Variants in ZNF385D observed in about 807,000 individuals in gnomAD.
ZNF385D encodes the protein zinc finger protein 385D.
A neutral mutation model predicts 35.8 loss-of-function variants in ZNF385D; 15 were observed. The ratio of observed to expected loss-of-function variants is 0.42; its 90% confidence interval spans 0.28 to 0.64. The LOEUF is 0.64. Ranked by LOEUF, ZNF385D falls within the 30% of genes least tolerant of loss-of-function variation. The pLI is 0.23. For synonymous variants in ZNF385D, 212 were observed against 186.8 expected (o/e 1.13, Z -1.10); for missense variants, 474 against 494.6 (o/e 0.96, Z 0.39).
intron 2 of ZNF385D, among the ~76,000 whole-genome samples, chr3:22,196,574 T>A (rs1390327728): frequency 1.3e-5 from 2 of 152,088 alleles, no homozygotes; most frequent in Middle Eastern, 3.4e-3. Context: ...ATTATTTTAT[T>A]TCTTATCCCA....
rs76932511 is a variant in ZNF385D, at chr3:22,187,591, A to G, written c.107-18556T>C. Among the ~76,000 whole-genome samples the G allele has an allele frequency of 9.9e-4, 150 of 152,278 alleles. 1 individual carries two copies. The East Asian group carries it at 0.027, about 28-fold the overall frequency. On this transcript the variant is annotated intron_variant, in intron 2 of 5. Coordinates refer to the ZNF385D transcript ENST00000494108. ...GAATGAAGTTAGTGAAGAAACCAGA[A>G]GGGAACAAAGTTCTCATGAGGAATA...
At chr3:22,275,548 T>A (rs935612536) in intron 2 of ZNF385D, among the ~76,000 whole-genome samples, 1 of 152,160 alleles carries the variant, frequency 6.6e-6, no homozygotes, top group Non-Finnish European at 1.5e-5. Context: ...CCTGGAGTCA[T>A]AGACTTTGCT....
intron 3 of ZNF385D, among the ~76,000 whole-genome samples, chr3:21,960,085 A>G (rs2125316127): frequency 6.6e-6 from 1 of 152,056 alleles, no homozygotes; most frequent in African/African-American, 2.4e-5. Context: ...ACAGCCAAGA[A>G]TACAATCAAA....
intron 1 of ZNF385D, among the ~76,000 whole-genome samples, chr3:21,693,754 A>T (rs924972031): frequency 6.6e-6 from 1 of 152,204 alleles, no homozygotes; most frequent in Non-Finnish European, 1.5e-5. Flanking sequence ...ATCAAAAGCC[A>T]ATAAATGTTT....
intron 2 of ZNF385D, among the ~76,000 whole-genome samples, chr3:21,659,552 G>A (rs536362053): frequency 2.0e-5 from 3 of 152,062 alleles, no homozygotes; most frequent in African/African-American, 7.2e-5. Flanking sequence ...AGGAAGGCTC[G>A]TAGCATTTCT....
At chr3:22,301,661 G>T (rs1055863324) in intron 2 of ZNF385D, among the ~76,000 whole-genome samples, 3 of 151,968 alleles carry the variant, frequency 2.0e-5, no homozygotes, top group Admixed American at 2.0e-4. Context: ...ACAGGCTTAA[G>T]TGGTAAAATA....
rs73145016 is a variant in ZNF385D at position 22,157,449 on chromosome 3, T to G, written c.325+11368A>C. On this transcript the variant is annotated intron_variant, in intron 3 of 5. Transcript: ENST00000494108. ...GTTGTTTCCCCTTTTCTTCTTTCTT[T>G]TTGTTGTTTTTTTTAATAACACCCC... 5.3e-3 allele frequency among the ~76,000 whole-genome samples: 800 copies of G among 152,204 alleles called. 11 individuals carry two copies. Among genetic ancestry groups the G allele is most frequent in the African/African-American group, 0.018 (768 of 41,542 alleles).
intron 3 of ZNF385D, among the ~76,000 whole-genome samples, chr3:22,048,087 T>C (rs990423460): frequency 6.6e-6 from 1 of 152,156 alleles, no homozygotes; most frequent in Non-Finnish European, 1.5e-5. Flanking sequence ...TTAATCAGGT[T>C]ATTTGTTTAC....
At chr3:21,732,108 G>A (rs1399669663) in intron 1 of ZNF385D, among the ~76,000 whole-genome samples, 1 of 130,260 alleles carries the variant, frequency 7.7e-6, no homozygotes, top group East Asian at 2.4e-4. Flanking sequence ...AGGCTTGAGT[G>A]CAGTGGCGCG....
At chr3:21,990,053 A>T (rs1178109791) in intron 3 of ZNF385D, among the ~76,000 whole-genome samples, 1 of 152,190 alleles carries the variant, frequency 6.6e-6, no homozygotes, top group Non-Finnish European at 1.5e-5. Context: ...GGTACATTTT[A>T]CCCTGACTCC....
chr3:22,171,303 T>C (rs1165745642), intron 2 of ZNF385D, among the ~76,000 whole-genome samples: 1 of 152,198 alleles, frequency 6.6e-6, no homozygotes, highest in East Asian at 1.9e-4. Flanking sequence ...TTGATTCACA[T>C]TTCCATCTTG....
intron 2 of ZNF385D, among the ~76,000 whole-genome samples, chr3:22,249,270 A>AT (rs1699946468): frequency 6.6e-6 from 1 of 152,250 alleles, no homozygotes; most frequent in East Asian, 1.9e-4. Context: ...CACAACCAGA[A>AT]TCCCCCCACC....
At chr3:22,154,361 G>A (rs1705448474) in intron 3 of ZNF385D, among the ~76,000 whole-genome samples, 1 of 152,104 alleles carries the variant, frequency 6.6e-6, no homozygotes, top group African/African-American at 2.4e-5. Context: ...TCTAGAAGGT[G>A]GGGTTTTCTT....
intron 3 of ZNF385D, among the ~76,000 whole-genome samples, chr3:21,523,333 C>A (rs1329694068): frequency 3.3e-5 from 5 of 152,268 alleles, no homozygotes; most frequent in Non-Finnish European, 5.9e-5. Flanking sequence ...TGTAGCCCCA[C>A]TTCTCAACCC....
chr3:22,073,723 G>C (rs2125567603), intron 3 of ZNF385D, among the ~76,000 whole-genome samples: 1 of 152,046 alleles, frequency 6.6e-6, no homozygotes, highest in East Asian at 1.9e-4. Flanking sequence ...GGGTTGGACA[G>C]TTTGTATTAA....
At chr3:21,583,202 T>G (rs2063716689) in intron 2 of ZNF385D, among the ~76,000 whole-genome samples, 1 of 152,184 alleles carries the variant, frequency 6.6e-6, no homozygotes, top group Admixed American at 6.5e-5. Flanking sequence ...ATATAAACTG[T>G]AACCATTTAA....
At chr3:21,788,453 T>G (rs2071792589) in intron 3 of ZNF385D, among the ~76,000 whole-genome samples, 1 of 152,160 alleles carries the variant, frequency 6.6e-6, no homozygotes. Flanking sequence ...CACTCCAGCC[T>G]GGGGGATAGA....
rs769383696 is a variant in ZNF385D at position 22,048,840 on chromosome 3, C to A, written c.325+119977G>T. Among the ~76,000 whole-genome samples the A allele has an allele frequency of 1.3e-5, 2 of 152,050 alleles. 1 individual carries two copies. Among genetic ancestry groups the A allele is most frequent in the African/African-American group, 4.8e-5 (2 of 41,398 alleles). On this transcript the variant is annotated intron_variant, in intron 3 of 5. Transcript: ENST00000494108. ...AATTAGTAGATCACTTTGGATAGTA[C>A]GGACAATAATAATTATTAATTCTTT...
intron 3 of ZNF385D, among the ~76,000 whole-genome samples, chr3:21,859,905 T>C (rs1048314223): frequency 6.6e-6 from 1 of 151,976 alleles, no homozygotes; most frequent in African/African-American, 2.4e-5. Context: ...ATGCCGTAAC[T>C]TCCCCGGGAC....
Sources: gnomAD v4.1 joint callset for allele counts (sites outside exome capture counted in the v4.1 genomes callset) on GRCh38, gnomAD v4.1.1 for gene constraint, MANE v1.5 for transcripts, NCBI Gene and HGNC (gene_info 2026-07-23, HGNC 2026-07-21) for gene names.